SBF1: variants seen among roughly 807,000 people sequenced by gnomAD.
SBF1 encodes SET binding factor 1.
In SBF1, 65 loss-of-function variants were observed where a neutral mutation model predicts 215.8. The observed-to-expected ratio is 0.30, with a 90% confidence interval of 0.25 to 0.37. The LOEUF is 0.37. SBF1 is among the 10% of genes least tolerant of loss of function. The pLI, the probability that SBF1 is intolerant of heterozygous loss-of-function variation, is 1.00. For synonymous variants in SBF1, 1,410 were observed against 1,122.8 expected (o/e 1.26, Z -5.11); for missense variants, 2,634 against 2,667.8 (o/e 0.99, Z 0.28).
Position 50,448,387 on chromosome 22 carries a change from C to T in SBF1, c.5209G>A (p.Val1737Met), listed in dbSNP as rs2066916819. 1.2e-6 allele frequency: 2 copies of T among 1,613,828 alleles called. No individual in the cohort carries two copies. Among genetic ancestry groups the T allele is most frequent in the African/African-American group, 2.7e-5 (2 of 74,944 alleles). Residue 1737 changes from valine (V) to methionine (M), a missense_variant, in exon 38 of 41, where the codon GTG becomes ATG. By Grantham distance (21) the Val-to-Met change is conservative. Transcript: ENST00000380817. Reference protein sequence around the residue: ...TAPHHRRSLGVYLQEGPVGST... With the variant: ...TAPHHRRSLGMYLQEGPVGST... ...CCCACGGGCCCCTCCTGCAGGTACA[C>T]ACCCAGCGAGCGACGGTGGTGGGGT...
intron 26 of SBF1, 138 bp downstream of exon 26, chr22:50,459,814 C>G: frequency 7.5e-7 from 1 of 1,334,658 alleles, no homozygotes; most frequent in East Asian, 2.4e-5. Flanking sequence ...CCCCCCAGCC[C>G]TGTGGCCCGT....
chr22:50,468,448 G>T lies in SBF1; in HGVS notation c.69C>A (p.Gly23=). 6.2e-7 allele frequency: 1 copy of T among 1,607,290 alleles called. No individual in the cohort carries two copies. Residue 23 remains glycine (G), a synonymous_variant, in exon 2 of 41, where the codon GGC becomes GGA. Coordinates refer to ENST00000380817, the MANE Select transcript of SBF1 (RefSeq NM_002972.4). ...GGAAGCGCTGCAGAATCTGGCCCTG[G>T]CCTTCCCCACTCCCTGAGGACAAGA... The part of the protein sequence containing the change: ...FGPHPRGSGE[G]QGQILQRFPE...
rs1049316944 is a variant in SBF1 at position 50,455,337 on chromosome 22, T to C, written c.4441A>G (p.Lys1481Glu). The part of the protein sequence containing the change: ...TLEGFRLLVE[K>E]EWLSFGHRFS... ...CGATGGCCGAAGGACAGCCACTCCT[T>C]CTCCACCAGCAGGCGAAAGCCCTCC... The change falls in exon 33 of 41, where the codon AAG becomes GAG. Residue 1481 changes from lysine to glutamate, a missense_variant. By Grantham distance (56) the Lys-to-Glu change is moderately conservative. Transcript: ENST00000380817. 1 of 1,613,476 alleles carries C rather than the reference T, an allele frequency of 6.2e-7. No individual in the cohort carries two copies. Among genetic ancestry groups the C allele is most frequent in the Non-Finnish European group, 8.5e-7 (1 of 1,179,934 alleles).
chr22:50,465,695 G>A, intron 10 of SBF1, 68 bp downstream of exon 10: 1 of 1,417,766 alleles, frequency 7.1e-7, no homozygotes. Context: ...TGTGTCAGTG[G>A]CAGCAGACCT....
chr22:50,462,951 C>A lies in SBF1; in HGVS notation c.1900-13G>T, dbSNP rs556122893. ...GAGAAGTGCAGTCCTGCAGGTAGAG[C>A]GAGAGACCGTCAGGACCTCTCCCCT... On this transcript the variant is annotated splice_polypyrimidine_tract_variant and intron_variant, in intron 16 of 40. Coordinates refer to ENST00000380817, the MANE Select transcript of SBF1 (RefSeq NM_002972.4). 1 of 1,608,714 alleles carries A rather than the reference C, an allele frequency of 6.2e-7. No homozygotes were observed. Among genetic ancestry groups the A allele is most frequent in the Admixed American group, 1.7e-5 (1 of 59,370 alleles).
Position 50,474,940 on chromosome 22 carries a change from C to T in SBF1, c.-100G>A. 1.3e-6 allele frequency: 1 copy of T among 786,550 alleles called. No individual in the cohort carries two copies. The highest frequency in any genetic ancestry group is 1.7e-6 in the Non-Finnish European group (1 of 592,444). 48.7% of individuals were successfully genotyped at this position (786,550 alleles called of 1,614,324 possible). On this transcript the variant is annotated 5_prime_UTR_variant, in exon 1 of 41. Coordinates refer to ENST00000380817, the MANE Select transcript of SBF1 (RefSeq NM_002972.4). ...GGCCCGGCCCCGGCCCTGGACCGCG[C>T]ACCCCGGACACCCCTGGTTCGCTCC...
chr22:50,449,410 T>A (rs1457889833), intron 36 of SBF1, among the ~76,000 whole-genome samples: 1 of 149,240 alleles, frequency 6.7e-6, no homozygotes, highest in East Asian at 2.0e-4. Flanking sequence ...AGGTCAGGAG[T>A]TCAAGACCAG....
At chr22:50,464,467 G>A (rs371436492) in intron 14 of SBF1, 26 bp from the exon 15 acceptor site, 21 of 1,607,414 alleles carry the variant, frequency 1.3e-5, no homozygotes, top group Middle Eastern at 1.7e-4. Context: ...ACACACACTC[G>A]GACCCCTGAC....
At chr22:50,462,509 C>A in intron 18 of SBF1, 36 bp from the exon 19 acceptor site, 1 of 1,611,398 alleles carries the variant, frequency 6.2e-7, no homozygotes, top group Non-Finnish European at 8.5e-7. Flanking sequence ...CGGGGCCACG[C>A]TGCCCCAGCC....
Position 50,460,381 on chromosome 22 carries a change from G to A in SBF1, c.3174C>T (p.Asn1058=), listed in dbSNP as rs146838312. The A allele has an allele frequency of 2.4e-5, 38 of 1,613,000 alleles. No homozygotes were observed. The highest frequency in any genetic ancestry group is 3.3e-5 in the South Asian group (3 of 90,936). ...LRTLSRNLVK[N]AKKTIGRQHV... is the part of the protein sequence containing the mutation. ...GCTGCCGCCCGATGGTCTTCTTGGC[G>A]TTCTTGACCAGGTTCCGGGACAGGG... Residue 1058 remains asparagine (N), a synonymous_variant, in exon 25 of 41, where the codon AAC becomes AAT. Coordinates refer to ENST00000380817, the MANE Select transcript of SBF1 (RefSeq NM_002972.4).
At position 50,447,459 on chromosome 22, in the gene SBF1, G is replaced by A. The variant is rs771066494; in HGVS notation, c.5452-6C>T. The A allele has an allele frequency of 1.9e-5, 30 of 1,588,342 alleles. No homozygotes were observed. The highest frequency in any genetic ancestry group is 3.3e-4 in the Middle Eastern group (2 of 6,034). ...CGGTGGTCGTAGTAGCGCAGCTGGA[G>A]GAGGCCACAGAGTCAGCGGAGCCCC... On this transcript the variant is annotated splice_region_variant and splice_polypyrimidine_tract_variant and intron_variant, in intron 39 of 40. Coordinates refer to ENST00000380817, the MANE Select transcript of SBF1 (RefSeq NM_002972.4).
rs747095906 is a variant in SBF1, at chr22:50,468,424, G to A, written c.93C>T (p.Phe31=). ...GEGQGQILQR[F]PEKDWEDNPF... is the part of the protein sequence containing the mutation. Reference sequence around the variant, plus strand: ...GGTTGTCCTCCCAGTCCTTCTCTGGGAAGCGCTGCAGAATCTGGCCCTGGC... The same window carrying A: ...GGTTGTCCTCCCAGTCCTTCTCTGGAAAGCGCTGCAGAATCTGGCCCTGGC... Residue 31 remains phenylalanine, a synonymous_variant, in exon 2 of 41, where the codon TTC becomes TTT. Coordinates refer to ENST00000380817, the MANE Select transcript of SBF1 (RefSeq NM_002972.4). 3.0e-5 allele frequency: 48 copies of A among 1,612,326 alleles called. No homozygotes were observed. The highest frequency in any genetic ancestry group is 3.9e-5 in the Non-Finnish European group (46 of 1,179,188).
Position 50,460,325 on chromosome 22 carries a change from C to A in SBF1, c.3230G>T (p.Ser1077Ile), listed in dbSNP as rs765894013. The A allele has an allele frequency of 1.2e-6, 2 of 1,613,244 alleles. No individual in the cohort carries two copies. The highest frequency in any genetic ancestry group is 1.7e-6 in the Non-Finnish European group (2 of 1,179,420). The change falls in exon 25 of 41, where the codon AGC (serine) becomes ATC (isoleucine). Residue 1077 changes from serine to isoleucine, a missense_variant. Transcript: ENST00000380817. ...GGGCGGCTGGCCCCGGTGCTCCCAG[C>A]TGGGGGGGTTGTACTTCTTGCGAGT... is the stretch of plus-strand genomic sequence containing the variant. ...HVTRKKYNPP[S>I]WEHRGQPPPE...
Position 50,475,035 on chromosome 22 carries a change from C to A in SBF1, c.-195G>T, listed in dbSNP as rs1413864704. On this transcript the variant is annotated 5_prime_UTR_variant, in exon 1 of 41. Transcript: ENST00000380817. ...CATCTTCCCAGCCAGCCGGCCCGCC[C>A]GGGCGCGCCGTGCGCCTGCGCGCTG... 2 of 190,674 alleles carry A rather than the reference C, an allele frequency of 1.0e-5. No individual in the cohort carries two copies. Among genetic ancestry groups the A allele is most frequent in the East Asian group, 1.6e-4 (1 of 6,112 alleles). The allele number at this position is 190,674 out of a possible 1,614,324, so 11.8% of individuals were successfully genotyped here. A position where few individuals can be genotyped will look rare whatever the true frequency, so the allele number is the denominator to read the frequency against.
At chr22:50,463,856 AAAC>A (rs1269986995) in intron 15 of SBF1, among the ~76,000 whole-genome samples, 3 of 152,242 alleles carry the variant, frequency 2.0e-5, no homozygotes, top group Non-Finnish European at 1.5e-5. Flanking sequence ...AGCCAATGAA[AAAC>A]AAGAGTCTCC....
At chr22:50,455,756 C>T in intron 31 of SBF1, 174 bp from the exon 32 acceptor site, 3 of 622,014 alleles carry the variant, frequency 4.8e-6, no homozygotes, top group Non-Finnish European at 8.5e-6. Flanking sequence ...TCTGGGTGTG[C>T]CGACCACCGC....
At chr22:50,472,958 C>T (rs558830880) in intron 1 of SBF1, among the ~76,000 whole-genome samples, 4 of 152,308 alleles carry the variant, frequency 2.6e-5, no homozygotes, top group Admixed American at 1.3e-4. Context: ...TCACTCCTTC[C>T]GGTCACTTAG....
In SBF1 at chr22:50,462,078, C is replaced by A; in HGVS notation, c.2438G>T (p.Gly813Val). 6.2e-7 allele frequency: 1 copy of A among 1,614,082 alleles called. No homozygotes were observed. The highest frequency in any genetic ancestry group is 8.5e-7 in the Non-Finnish European group (1 of 1,180,044). The stretch of plus-strand genomic sequence containing the variant: ...GTCGCAGGTCTCTGCATCCTCGAAG[C>A]CGCTCTCCGTGTCATAGCTCTCGGC... ...SVAESYDTES[G>V]FEDAETCDVA... The change falls in exon 20 of 41, where the codon GGC becomes GTC. Residue 813 changes from glycine (G) to valine (V), a missense_variant. Transcript: ENST00000380817.
At chr22:50,460,196 A>G in intron 25 of SBF1, 37 bp from the exon 26 acceptor site, 1 of 1,605,376 alleles carries the variant, frequency 6.2e-7, no homozygotes, top group Non-Finnish European at 8.5e-7. Context: ...TCACGGGGCC[A>G]CTCCGCCTGC....
Sources: allele counts gnomAD v4.1 joint callset (sites outside exome capture counted in the v4.1 genomes callset), GRCh38; gene constraint gnomAD v4.1.1; transcripts MANE v1.5; gene names NCBI Gene and HGNC (gene_info 2026-07-23, HGNC 2026-07-21).